The following GSPT2 variants were observed in gnomAD, a reference collection of about 807,000 sequenced individuals.
The protein encoded by GSPT2 is G1 to S phase transition 2.
A neutral mutation model predicts 24.6 loss-of-function variants in GSPT2; 2 were observed. That is an observed-to-expected ratio of 0.08 (90% CI 0.03 to 0.26). GSPT2 has a LOEUF of 0.26. GSPT2 is among the 10% of genes least tolerant of loss of function. GSPT2 has a pLI of 1.00. For synonymous variants in GSPT2, 194 were observed against 189.3 expected (o/e 1.02, Z -0.20); for missense variants, 322 against 489.6 (o/e 0.66, Z 3.23).
At position 51,744,890 on chromosome X, in the gene GSPT2, A is replaced by G. The variant is rs782454145; in HGVS notation, c.1264A>G (p.Asn422Asp). The change falls in exon 1 of 1, where the codon AAC becomes GAC. Residue 422 changes from asparagine (N) to aspartate (D), a missense_variant. Physicochemically the swap from Asn to Asp is conservative, Grantham distance 23. Transcript: ENST00000340438. ...TATTCCGTATTTGGATAACTTGCCA[A>G]ACTTCAACAGATCAATTGATGGACC... The part of the protein sequence containing the change: ...PFIPYLDNLP[N>D]FNRSIDGPIR... 3.3e-6 allele frequency: 4 copies of G among 1,208,594 alleles called. 1 individual carries two copies. Among genetic ancestry groups the G allele is most frequent in the Middle Eastern group, 4.6e-4 (2 of 4,350 alleles).
In GSPT2 at chrX:51,743,948, G is replaced by A. The variant is rs782100327; in HGVS notation, c.322G>A (p.Ala108Thr). 4.1e-6 allele frequency: 5 copies of A among 1,206,361 alleles called. No individual in the cohort carries two copies. The highest frequency in any genetic ancestry group is 3.0e-5 in the East Asian group (1 of 33,620). ...TCAAGGTAAAAGGATGGGACGGGGGGCACCTGTGGAACCTTCCCGAGAGGA... is the reference window on the plus strand; with the variant it reads ...TCAAGGTAAAAGGATGGGACGGGGGACACCTGTGGAACCTTCCCGAGAGGA... ...YPQGKRMGRG[A>T]PVEPSREEPL... The change falls in exon 1 of 1, where the codon GCA becomes ACA. Residue 108 changes from alanine (A) to threonine (T), a missense_variant. By Grantham distance (58) the Ala-to-Thr change is moderately conservative (BLOSUM62 0). This residue lies in a region of GSPT2 where 125 missense variants were observed against 121.3 expected (regional missense o/e 1.03). Transcript: ENST00000340438.
Position 51,745,705 on chromosome X carries a change from A to G in GSPT2, c.*192A>G. 1 of 443,010 alleles carries G rather than the reference A, an allele frequency of 2.3e-6. No homozygotes were observed. The allele number at this position is 443,010 out of a possible 1,213,427, so 36.5% of individuals were successfully genotyped here. A position where few individuals can be genotyped will look rare whatever the true frequency, so the allele number is the denominator to read the frequency against. On this transcript the variant is annotated 3_prime_UTR_variant, in exon 1 of 1. Transcript: ENST00000340438. ...TATGTCACTGATGAATTTACCCTCA[A>G]GTTTCCTTCCTCTGTACCACTCTGC...
In GSPT2 at chrX:51,744,488, G is replaced by A. The variant is rs371252169; in HGVS notation, c.862G>A (p.Ala288Thr). The A allele has an allele frequency of 2.6e-5, 32 of 1,209,594 alleles. No homozygotes were observed. Among genetic ancestry groups the A allele is most frequent in the Non-Finnish European group, 3.6e-5 (32 of 895,056 alleles). Residue 288 changes from alanine (A) to threonine (T), a missense_variant, in exon 1 of 1, where the codon GCC becomes ACC. By Grantham distance (58) the Ala-to-Thr change is moderately conservative (BLOSUM62 0). This residue lies in a region of GSPT2 where 72 missense variants were observed against 121.5 expected (regional missense o/e 0.59). Coordinates refer to ENST00000340438, the MANE Select transcript of GSPT2 (RefSeq NM_018094.5). ...AAGGAAACATTTCACAATTTTAGAT[G>A]CCCCTGGCCACAAGAGTTTTGTCCC... ...TERKHFTILD[A>T]PGHKSFVPNM... is the part of the protein sequence containing the mutation.
chrX:51,745,234 C>T lies in GSPT2; in HGVS notation c.1608C>T (p.Cys536=), dbSNP rs1557348991. 5 of 1,209,425 alleles carry T rather than the reference C, an allele frequency of 4.1e-6. No individual in the cohort carries two copies. The highest frequency in any genetic ancestry group is 5.6e-6 in the Non-Finnish European group (5 of 893,575). The change falls in exon 1 of 1, where the codon TGC becomes TGT. Residue 536 remains cysteine, a synonymous_variant. Transcript: ENST00000340438. ...IVIIEHKSII[C]PGYNAVLHIH... ...TTATTGAGCACAAATCCATCATCTG[C>T]CCAGGTTATAATGCGGTGCTGCACA...
Position 51,744,028 on chromosome X carries a change from A to G in GSPT2, c.402A>G (p.Glu134=). ...CAGCCGTTACCATGGAACTTTCAGAACCTGTTGTAGAAAATGGAGAGGTGG... is the reference window on the plus strand; with the variant it reads ...CAGCCGTTACCATGGAACTTTCAGAGCCTGTTGTAGAAAATGGAGAGGTGG... The part of the protein sequence containing the change: ...SNSAVTMELS[E]PVVENGEVEM... Residue 134 remains glutamate (E), a synonymous_variant, in exon 1 of 1, where the codon GAA becomes GAG. Coordinates refer to ENST00000340438, the MANE Select transcript of GSPT2 (RefSeq NM_018094.5). 1 of 1,210,493 alleles carries G rather than the reference A, an allele frequency of 8.3e-7. No homozygotes were observed. The highest frequency in any genetic ancestry group is 3.0e-5 in the East Asian group (1 of 33,800).
In GSPT2 at chrX:51,743,580, G is replaced by A; in HGVS notation, c.-47G>A. ...CCCGCCGGCGGAGCCCGCTCTTCTGGCCTGTTGAGCCCGCTCCCTCACTGC... is the reference window on the plus strand; with the variant it reads ...CCCGCCGGCGGAGCCCGCTCTTCTGACCTGTTGAGCCCGCTCCCTCACTGC... On this transcript the variant is annotated 5_prime_UTR_variant, in exon 1 of 1. Coordinates refer to ENST00000340438, the MANE Select transcript of GSPT2 (RefSeq NM_018094.5). 5 of 1,096,816 alleles carry A rather than the reference G, an allele frequency of 4.6e-6. No individual in the cohort carries two copies. Among genetic ancestry groups the A allele is most frequent in the Non-Finnish European group, 6.1e-6 (5 of 814,941 alleles). The allele number at this position is 1,096,816 out of a possible 1,213,427, so 90.4% of individuals were successfully genotyped here. A position where few individuals can be genotyped will look rare whatever the true frequency, so the allele number is the denominator to read the frequency against.
At position 51,745,188 on chromosome X, in the gene GSPT2, C is replaced by A; in HGVS notation, c.1562C>A (p.Thr521Lys). 8.3e-7 allele frequency: 1 copy of A among 1,206,710 alleles called. No individual in the cohort carries two copies. Among genetic ancestry groups the A allele is most frequent in the Non-Finnish European group, 1.1e-6 (1 of 891,089 alleles). Residue 521 changes from threonine (T) to lysine (K), a missense_variant, in exon 1 of 1, where the codon ACG (threonine) becomes AAG (lysine). By Grantham distance (78) the Thr-to-Lys change is moderately conservative. Transcript: ENST00000340438. ...AGTAACCTCTGCCATTCTGGACGCA[C>A]GTTTGATGTTCAGATAGTGATTATT... ...DPSNLCHSGR[T>K]FDVQIVIIEH...
chrX:51,745,175 C>T lies in GSPT2; in HGVS notation c.1549C>T (p.His517Tyr). The part of the protein sequence containing the change: ...FILCDPSNLC[H>Y]SGRTFDVQIV... The stretch of plus-strand genomic sequence containing the variant: ...ACTTTGTGATCCTAGTAACCTCTGC[C>T]ATTCTGGACGCACGTTTGATGTTCA... Residue 517 changes from histidine to tyrosine, a missense_variant, in exon 1 of 1, where the codon CAT (histidine) becomes TAT (tyrosine). Physicochemically the swap from His to Tyr is moderately conservative, Grantham distance 83. Around this residue, in one of 4 missense-constraint regions of GSPT2, gnomAD observed 117 missense variants for 204.1 expected, o/e 0.57. Coordinates refer to ENST00000340438, the MANE Select transcript of GSPT2 (RefSeq NM_018094.5). The T allele has an allele frequency of 8.3e-7, 1 of 1,206,118 alleles. No homozygotes were observed.
In GSPT2 at chrX:51,745,041, T is replaced by C. The variant is rs1557348965; in HGVS notation, c.1415T>C (p.Val472Ala). The change falls in exon 1 of 1, where the codon GTT (valine) becomes GCT (alanine). Residue 472 changes from valine to alanine, a missense_variant. Physicochemically the swap from Val to Ala is moderately conservative, Grantham distance 64 (BLOSUM62 0). Around this residue, in one of 4 missense-constraint regions of GSPT2, gnomAD observed 117 missense variants for 204.1 expected, o/e 0.57. Transcript: ENST00000340438. The stretch of plus-strand genomic sequence containing the variant: ...ATGCCAAACAAGCACAATGTAGAAG[T>C]TCTTGGAATACTTTCTGATGATACT... ...VMMPNKHNVE[V>A]LGILSDDTET... The C allele has an allele frequency of 9.1e-6, 11 of 1,205,760 alleles. No homozygotes were observed.
At position 51,744,373 on chromosome X, in the gene GSPT2, C is replaced by T. The variant is rs1557348891; in HGVS notation, c.747C>T (p.Thr249=). ...EREAKEKNRE[T]WYLSWALDTN... is the part of the protein sequence containing the mutation. ...AAGCTAAGGAAAAAAACAGAGAAAC[C>T]TGGTATTTGTCCTGGGCCTTAGATA... Residue 249 remains threonine (T), a synonymous_variant, in exon 1 of 1, where the codon ACC becomes ACT. Transcript: ENST00000340438. 1.7e-6 allele frequency: 2 copies of T among 1,211,296 alleles called. No individual in the cohort carries two copies. Among genetic ancestry groups the T allele is most frequent in the Non-Finnish European group, 2.2e-6 (2 of 895,226 alleles).
Position 51,744,355 on chromosome X carries a change from G to A in GSPT2, c.729G>A (p.Lys243=), listed in dbSNP as rs200173199. The A allele has an allele frequency of 2.8e-5, 34 of 1,209,266 alleles. No homozygotes were observed. The Admixed American group carries it at 4.6e-4, about 16-fold the overall frequency. The part of the protein sequence containing the change: ...RTLEKYEREA[K]EKNRETWYLS... ...TGGAGAAATATGAAAGAGAAGCTAA[G>A]GAAAAAAACAGAGAAACCTGGTATT... The change falls in exon 1 of 1, where the codon AAG becomes AAA. Residue 243 remains lysine, a synonymous_variant. Coordinates refer to ENST00000340438, the MANE Select transcript of GSPT2 (RefSeq NM_018094.5).
At position 51,743,468 on chromosome X, in the gene GSPT2, G is replaced by A. The variant is rs1322166441; in HGVS notation, c.-159G>A. On this transcript the variant is annotated 5_prime_UTR_variant, in exon 1 of 1. Transcript: ENST00000340438. ...TATCTGCTGCTGCCGCCGCAGTTGC[G>A]AATGCAGCATCGGCGCTTAGCTGCC... The A allele has an allele frequency of 2.3e-6, 1 of 432,022 alleles. No individual in the cohort carries two copies. Among genetic ancestry groups the A allele is most frequent in the Non-Finnish European group, 3.9e-6 (1 of 257,098 alleles). 35.6% of individuals were successfully genotyped at this position (432,022 alleles called of 1,213,427 possible). A position where few individuals can be genotyped will look rare whatever the true frequency, so the allele number is the denominator to read the frequency against.
In GSPT2 at chrX:51,743,900, A is replaced by G; in HGVS notation, c.274A>G (p.Thr92Ala). Residue 92 changes from threonine (T) to alanine (A), a missense_variant, in exon 1 of 1, where the codon ACC (threonine) becomes GCC (alanine). Thr to Ala is a moderately conservative substitution (Grantham distance 58). Transcript: ENST00000340438. ...LPAGSGSNDE[T>A]CTGAGYPQGK... ...GGCCGGCTCCGGCAGCAACGATGAA[A>G]CCTGCACCGGCGCGGGATACCCTCA... 8.3e-7 allele frequency: 1 copy of G among 1,204,708 alleles called. No individual in the cohort carries two copies. The highest frequency in any genetic ancestry group is 1.1e-6 in the Non-Finnish European group (1 of 891,938).
chrX:51,743,455 C>T lies in GSPT2; in HGVS notation c.-172C>T, dbSNP rs1923931553. On this transcript the variant is annotated 5_prime_UTR_variant, in exon 1 of 1. Coordinates refer to ENST00000340438, the MANE Select transcript of GSPT2 (RefSeq NM_018094.5). Reference sequence around the variant, plus strand: ...TGTTGAGCCGCCATATCTGCTGCTGCCGCCGCAGTTGCGAATGCAGCATCG... The same window carrying T: ...TGTTGAGCCGCCATATCTGCTGCTGTCGCCGCAGTTGCGAATGCAGCATCG... 2.4e-6 allele frequency: 1 copy of T among 422,087 alleles called. No individual in the cohort carries two copies. Among genetic ancestry groups the T allele is most frequent in the Non-Finnish European group, 4.0e-6 (1 of 247,196 alleles). The allele number at this position is 422,087 out of a possible 1,213,427, so 34.8% of individuals were successfully genotyped here.
chrX:51,743,556 C>T lies in GSPT2; in HGVS notation c.-71C>T. ...GCCCTTCGCTCTTGCTGCCTTAACCCCGCCGGCGGAGCCCGCTCTTCTGGC... is the reference window on the plus strand; with the variant it reads ...GCCCTTCGCTCTTGCTGCCTTAACCTCGCCGGCGGAGCCCGCTCTTCTGGC... On this transcript the variant is annotated 5_prime_UTR_variant, in exon 1 of 1. Transcript: ENST00000340438. The T allele has an allele frequency of 1.0e-6, 1 of 995,602 alleles. No individual in the cohort carries two copies. The highest frequency in any genetic ancestry group is 1.4e-6 in the Non-Finnish European group (1 of 731,604). The allele number at this position is 995,602 out of a possible 1,213,427, so 82.0% of individuals were successfully genotyped here. A position where few individuals can be genotyped will look rare whatever the true frequency, so the allele number is the denominator to read the frequency against.
Position 51,744,217 on chromosome X carries a change from T to C in GSPT2, c.591T>C (p.Gly197=). ...CCAAATCTGTGATCGTACCCTCAGG[T>C]GCACCTAAGAAAGAACACGTAAATG... The part of the protein sequence containing the change: ...RKSKSVIVPS[G]APKKEHVNVV... Residue 197 remains glycine (G), a synonymous_variant, in exon 1 of 1, where the codon GGT becomes GGC. Coordinates refer to ENST00000340438, the MANE Select transcript of GSPT2 (RefSeq NM_018094.5). The C allele has an allele frequency of 8.3e-7, 1 of 1,208,818 alleles. No homozygotes were observed. The highest frequency in any genetic ancestry group is 1.1e-6 in the Non-Finnish European group (1 of 893,447).
rs147103223 is a variant in GSPT2, at chrX:51,743,694, C to T, written c.68C>T (p.Pro23Leu). ...DCWDQVDMES[P>L]GSAPSGDGVS... is the part of the protein sequence containing the mutation. ...TGGGACCAGGTGGACATGGAATCCC[C>T]GGGGTCGGCCCCGAGCGGGGATGGA... The change falls in exon 1 of 1, where the codon CCG (proline) becomes CTG (leucine). Residue 23 changes from proline to leucine, a missense_variant. Physicochemically the swap from Pro to Leu is moderately conservative, Grantham distance 98. Around this residue, in one of 4 missense-constraint regions of GSPT2, gnomAD observed 125 missense variants for 121.3 expected, o/e 1.03. Coordinates refer to ENST00000340438, the MANE Select transcript of GSPT2 (RefSeq NM_018094.5). 1.9e-3 allele frequency: 2,350 copies of T among 1,207,226 alleles called. 22 individuals are homozygous for T. The African/African-American group carries it at 0.036, about 18-fold the overall frequency.
Position 51,745,069 on chromosome X carries a change from A to G in GSPT2, c.1443A>G (p.Glu481=). The change falls in exon 1 of 1, where the codon GAA becomes GAG. Residue 481 remains glutamate (E), a synonymous_variant. Coordinates refer to ENST00000340438, the MANE Select transcript of GSPT2 (RefSeq NM_018094.5). The part of the protein sequence containing the change: ...EVLGILSDDT[E]TDFVAPGENL... ...TTGGAATACTTTCTGATGATACTGA[A>G]ACTGATTTTGTAGCCCCAGGTGAAA... 4 of 1,207,397 alleles carry G rather than the reference A, an allele frequency of 3.3e-6. No individual in the cohort carries two copies. The highest frequency in any genetic ancestry group is 4.5e-6 in the Non-Finnish European group (4 of 891,567).
At position 51,744,735 on chromosome X, in the gene GSPT2, T is replaced by G; in HGVS notation, c.1109T>G (p.Leu370Arg). The change falls in exon 1 of 1, where the codon CTG becomes CGG. Residue 370 changes from leucine (L) to arginine (R), a missense_variant. Transcript: ENST00000340438. The stretch of plus-strand genomic sequence containing the variant: ...AGATATGAAGAATGTAAAGAAAAAC[T>G]GGTGCCCTTTTTGAAAAAAGTAGGC... ...IERYEECKEKLVPFLKKVGFS... is the reference protein window; with the variant it reads ...IERYEECKEKRVPFLKKVGFS... The G allele has an allele frequency of 1.7e-6, 2 of 1,211,018 alleles. No individual in the cohort carries two copies. Among genetic ancestry groups the G allele is most frequent in the Non-Finnish European group, 2.2e-6 (2 of 894,759 alleles).
Sources: gnomAD v4.1 joint callset for allele counts on GRCh38, gnomAD v4.1.1 for gene constraint, gnomAD v4.1.1 regional missense constraint, MANE v1.5 for transcripts, NCBI Gene and HGNC (gene_info 2026-07-23, HGNC 2026-07-21) for gene names.